The following SCNN1B variants were observed in gnomAD, a reference collection of about 807,000 sequenced individuals.
The protein encoded by SCNN1B is sodium channel epithelial 1 subunit beta, also known as epithelial sodium channel subunit beta.
Under a neutral mutation model 65.3 loss-of-function variants are expected in SCNN1B, and 46 were observed. The observed-to-expected ratio is 0.70, with a 90% CI of 0.56 to 0.90. SCNN1B has a LOEUF of 0.90. Among genes scored for constraint, SCNN1B ranks in the 40% least tolerant of loss-of-function variants. The pLI, the probability that SCNN1B is intolerant of heterozygous loss-of-function variation, is 0.00. For missense variants in SCNN1B, 751 were observed against 830.5 expected (o/e 0.90, Z 1.18); for synonymous variants, 349 against 330.6 (o/e 1.06, Z -0.60).
chr16:23,324,030 C>A (rs1961641541), intron 1 of SCNN1B, among the ~76,000 whole-genome samples: 2 of 152,182 alleles, frequency 1.3e-5, no homozygotes, highest in South Asian at 4.2e-4. Flanking sequence ...GAAAACCAAA[C>A]AAAAACGCAA....
chr16:23,335,253 G>C (rs979064209), intron 1 of SCNN1B, among the ~76,000 whole-genome samples: 2 of 152,184 alleles, frequency 1.3e-5, no homozygotes, highest in East Asian at 1.9e-4. Context: ...TTTTCTGCCT[G>C]TTCCCCCAGC....
At chr16:23,291,475 A>AGTGTGTGT (rs71858801) in intron 2 of SCNN1B, among the ~76,000 whole-genome samples, 1,739 of 145,538 alleles carry the variant, frequency 0.012, 21 homozygotes, top group African/African-American at 0.024. Context: ...TGTGTGTGTA[A>AGTGTGTGT]GTGTGTGTGT....
chr16:23,380,087 C>T lies in SCNN1B; in HGVS notation c.1467-7C>T. The T allele has an allele frequency of 6.2e-7, 1 of 1,613,028 alleles. No individual in the cohort carries two copies. The highest frequency in any genetic ancestry group is 1.7e-5 in the Admixed American group (1 of 60,012). ...TTAGTCCCGGCCCTTCTCGCTGCCT[C>T]CTGCAGGAAGGGAATTGTCAAGCTC... is the stretch of plus-strand genomic sequence containing the variant. On this transcript the variant is annotated splice_region_variant and splice_polypyrimidine_tract_variant and intron_variant, in intron 11 of 12. Transcript: ENST00000343070. The surrounding 1 kb of genome is among the most constrained non-coding windows in gnomAD (Gnocchi z 5.4).
At chr16:23,378,868 A>C in intron 11 of SCNN1B, 101 bp downstream of exon 11, 4 of 1,127,118 alleles carry the variant, frequency 3.5e-6, no homozygotes, top group Non-Finnish European at 5.4e-6. Flanking sequence ...ACATTCTCAC[A>C]TGGGTCAGAC....
intron 2 of SCNN1B, among the ~76,000 whole-genome samples, chr16:23,290,150 T>C (rs1200687352): frequency 6.6e-6 from 1 of 152,192 alleles, no homozygotes; most frequent in East Asian, 1.9e-4. Context: ...TCTGTCTCAC[T>C]GGGCTATTGT....
chr16:23,358,839 A>G (rs1177060518), intron 4 of SCNN1B, among the ~76,000 whole-genome samples: 1 of 152,260 alleles, frequency 6.6e-6, no homozygotes, highest in Non-Finnish European at 1.5e-5. Context: ...CCCGGAAGGC[A>G]GAGGTTGCAG....
intron 2 of SCNN1B, among the ~76,000 whole-genome samples, chr16:23,349,673 T>A (rs1174400009): frequency 6.6e-6 from 1 of 152,168 alleles, no homozygotes; most frequent in Non-Finnish European, 1.5e-5. Flanking sequence ...TGCCAGGCAC[T>A]GTCCTAGGCA....
At chr16:23,358,855 C>T (rs1044228386) in intron 4 of SCNN1B, among the ~76,000 whole-genome samples, 7 of 152,198 alleles carry the variant, frequency 4.6e-5, no homozygotes, top group East Asian at 1.9e-4. Flanking sequence ...TGCAGTGAGC[C>T]GAGGTTGTGC....
chr16:23,296,102 AAGG>A (rs778152108), intron 2 of SCNN1B, among the ~76,000 whole-genome samples: 1 of 151,926 alleles, frequency 6.6e-6, no homozygotes, highest in Non-Finnish European at 1.5e-5. Context: ...GGCCGGGCTG[AAGG>A]AGAAGTCGGG....
intron 7 of SCNN1B, among the ~76,000 whole-genome samples, chr16:23,375,387 A>C (rs1297961965): frequency 6.6e-6 from 1 of 152,106 alleles, no homozygotes; most frequent in Non-Finnish European, 1.5e-5. Flanking sequence ...TGGCATCCTC[A>C]TAATGAGAGC....
At chr16:23,378,285 C>G (rs987640832) in intron 10 of SCNN1B, among the ~76,000 whole-genome samples, 4 of 152,226 alleles carry the variant, frequency 2.6e-5, no homozygotes, top group Admixed American at 2.0e-4. Context: ...GCTGGGATTA[C>G]AGGCATGAGC....
chr16:23,334,302 A>G (rs976792004), intron 1 of SCNN1B, among the ~76,000 whole-genome samples: 1 of 152,180 alleles, frequency 6.6e-6, no homozygotes, highest in African/African-American at 2.4e-5. Context: ...TCAGCATGAC[A>G]TTGCTGTAAA....
At chr16:23,293,220 A>T (rs1214234811) in intron 2 of SCNN1B, among the ~76,000 whole-genome samples, 1 of 151,872 alleles carries the variant, frequency 6.6e-6, no homozygotes, top group Non-Finnish European at 1.5e-5. Flanking sequence ...ACCCATACTC[A>T]TAGGAGCATT....
At chr16:23,308,894 T>A (rs1961278205) in intron 1 of SCNN1B, among the ~76,000 whole-genome samples, 1 of 152,202 alleles carries the variant, frequency 6.6e-6, no homozygotes. Context: ...TAAATCACCA[T>A]GCCTGGCCAC....
rs1962230720 is a variant in SCNN1B at position 23,348,366 on chromosome 16, T to C, written c.-8-226T>C. ...GACCATTTGAGTGCCTGGCATATAG[T>C]AGGCATTCAATAAATGCATTTTGGT... On this transcript the variant is annotated intron_variant, in intron 1 of 12. Coordinates refer to ENST00000343070, the MANE Select transcript of SCNN1B (RefSeq NM_000336.3). This position sits in a 1 kb window ranked among gnomAD's most constrained non-coding sequence, Gnocchi z 4.5. Among the ~76,000 whole-genome samples, 1 of 149,680 alleles carries C rather than the reference T, an allele frequency of 6.7e-6. No homozygotes were observed.
At chr16:23,357,524 A>G (rs1323282059) in intron 4 of SCNN1B, among the ~76,000 whole-genome samples, 1 of 152,322 alleles carries the variant, frequency 6.6e-6, no homozygotes, top group South Asian at 2.1e-4. Flanking sequence ...CGGAGGTTGT[A>G]GTGAGCAGAG....
At chr16:23,379,967 C>T in intron 11 of SCNN1B, 127 bp from the exon 12 acceptor site, 2 of 784,824 alleles carry the variant, frequency 2.5e-6, no homozygotes, top group South Asian at 1.4e-5. Context: ...TGTGTGGGTA[C>T]ATGTGTGTGC....
intron 1 of SCNN1B, among the ~76,000 whole-genome samples, chr16:23,279,323 G>T (rs117302511): frequency 6.6e-6 from 1 of 152,016 alleles, no homozygotes; most frequent in South Asian, 2.1e-4. Context: ...CAAGTGATCT[G>T]CCCACCTCAG....
chr16:23,332,320 C>T (rs1404110886), intron 1 of SCNN1B, among the ~76,000 whole-genome samples: 1 of 151,966 alleles, frequency 6.6e-6, no homozygotes, highest in Admixed American at 6.6e-5. Context: ...CTCAGCCTCC[C>T]GAGTAGCTGG....
Sources: allele counts gnomAD v4.1 joint callset (sites outside exome capture counted in the v4.1 genomes callset), GRCh38; gene constraint gnomAD v4.1.1; non-coding constraint Gnocchi (gnomAD v3.1); transcripts MANE v1.5; gene names NCBI Gene and HGNC (gene_info 2026-07-23, HGNC 2026-07-21).